Variants in KCNIP4 observed in about 807,000 individuals in gnomAD.
KCNIP4 encodes the protein Kv channel-interacting protein 4.
KCNIP4 carries 12 observed loss-of-function variants against 34.0 expected under a neutral mutation model. The observed-to-expected ratio is 0.35, with a 90% CI of 0.23 to 0.57. KCNIP4 has a LOEUF of 0.57. KCNIP4 is among the 20% of genes least tolerant of loss of function. The pLI is 0.83. For synonymous variants in KCNIP4, 124 were observed against 102.2 expected (o/e 1.21, Z -1.29); for missense variants, 238 against 311.7 (o/e 0.76, Z 1.78).
intron 1 of KCNIP4, among the ~76,000 whole-genome samples, chr4:21,612,685 T>C (rs553690152): frequency 7.2e-5 from 11 of 152,306 alleles, no homozygotes; most frequent in African/African-American, 2.4e-4. Context: ...ATTAAATAGA[T>C]GGGGCAGAAA....
chr4:21,087,271 A>G (rs1746554916), intron 1 of KCNIP4, among the ~76,000 whole-genome samples: 2 of 150,638 alleles, frequency 1.3e-5, no homozygotes, highest in African/African-American at 4.9e-5. Flanking sequence ...CCACCTCTTC[A>G]GTTCAAGTGA....
chr4:21,251,442 T>A (rs944612240), intron 1 of KCNIP4, among the ~76,000 whole-genome samples: 3 of 152,198 alleles, frequency 2.0e-5, no homozygotes, highest in African/African-American at 7.2e-5. Context: ...GTGGCCCTCA[T>A]ATCATGTTAA....
chr4:20,909,296 G>A (rs1178717374), intron 1 of KCNIP4, among the ~76,000 whole-genome samples: 1 of 152,054 alleles, frequency 6.6e-6, no homozygotes, highest in Non-Finnish European at 1.5e-5. Context: ...ATTTCATAGA[G>A]CATATTAGAG....
At position 21,704,678 on chromosome 4, in the gene KCNIP4, A is replaced by G. The variant is rs190477912; in HGVS notation, c.61+243893T>C. On this transcript the variant is annotated intron_variant, in intron 1 of 8. Transcript: ENST00000382152. ...AATGAGTTATTACTACACATCTATT[A>G]GAATGGCTAACATAAAATCAAAAAT... is the stretch of plus-strand genomic sequence containing the variant. 1.6e-4 allele frequency among the ~76,000 whole-genome samples: 25 copies of G among 152,312 alleles called. No individual in the cohort carries two copies. In the East Asian group the frequency reaches 4.6e-3, roughly 28 times the overall value.
chr4:21,498,938 G>A (rs535717996), intron 1 of KCNIP4, among the ~76,000 whole-genome samples: 35 of 152,130 alleles, frequency 2.3e-4, no homozygotes, highest in Non-Finnish European at 4.6e-4. Context: ...TACTACAATT[G>A]TGCTGGCAAA....
At chr4:21,201,567 C>T (rs964861152) in intron 1 of KCNIP4, among the ~76,000 whole-genome samples, 8 of 152,142 alleles carry the variant, frequency 5.3e-5, no homozygotes, top group South Asian at 4.1e-4. Context: ...GGCATGATCT[C>T]GGCTCACTGC....
intron 1 of KCNIP4, among the ~76,000 whole-genome samples, chr4:20,997,774 G>A (rs74768709): frequency 0.026 from 3,898 of 152,212 alleles, 154 homozygotes; most frequent in African/African-American, 0.084. Flanking sequence ...GTTATTGTCT[G>A]GATCAATCTA....
intron 1 of KCNIP4, among the ~76,000 whole-genome samples, chr4:21,820,680 A>G (rs145144001): frequency 1.3e-4 from 20 of 152,182 alleles, no homozygotes; most frequent in Admixed American, 1.3e-3. Flanking sequence ...TGATTTGTTT[A>G]TTTTGCTCTG....
intron 1 of KCNIP4, among the ~76,000 whole-genome samples, chr4:21,533,942 A>G (rs1307669293): frequency 6.6e-6 from 1 of 152,190 alleles, no homozygotes; most frequent in Non-Finnish European, 1.5e-5. Flanking sequence ...ACAGAAACTG[A>G]AAAAGCCTAA....
At chr4:21,721,523 T>A (rs371739060) in intron 1 of KCNIP4, among the ~76,000 whole-genome samples, 1 of 152,196 alleles carries the variant, frequency 6.6e-6, no homozygotes, top group East Asian at 1.9e-4. Flanking sequence ...TCAACATAGT[T>A]TCTAATTTTA....
intron 1 of KCNIP4, among the ~76,000 whole-genome samples, chr4:21,523,428 G>A (rs1176387265): frequency 6.6e-6 from 1 of 152,052 alleles, no homozygotes; most frequent in Non-Finnish European, 1.5e-5. Context: ...ATTCCCTGGA[G>A]CCAGGTTAAA....
chr4:21,069,896 A>G (rs1182972192), intron 1 of KCNIP4, among the ~76,000 whole-genome samples: 3 of 152,112 alleles, frequency 2.0e-5, no homozygotes, highest in African/African-American at 4.8e-5. Context: ...ATATTAGCAA[A>G]TGTGTAGATT....
chr4:21,528,190 C>T (rs1404839969), intron 1 of KCNIP4, among the ~76,000 whole-genome samples: 2 of 152,142 alleles, frequency 1.3e-5, no homozygotes, highest in African/African-American at 4.8e-5. Context: ...AAACACTCAG[C>T]TTTGCAGTAC....
rs1302866991 is a variant in KCNIP4, at chr4:21,908,385, A to G, written c.61+40186T>C. ...GGCTCAAGTGTCACCTGTTTAAGGA[A>G]TCCTTCCCCAAGCTCCCCGTCAAGA... On this transcript the variant is annotated intron_variant, in intron 1 of 8. Coordinates refer to ENST00000382152, the MANE Select transcript of KCNIP4 (RefSeq NM_025221.6). 2.0e-5 allele frequency among the ~76,000 whole-genome samples: 3 copies of G among 152,208 alleles called. No homozygotes were observed. The South Asian group carries it at 6.2e-4, about 32-fold the overall frequency.
chr4:21,505,611 T>C (rs1312418928), intron 1 of KCNIP4, among the ~76,000 whole-genome samples: 1 of 152,182 alleles, frequency 6.6e-6, no homozygotes, highest in Non-Finnish European at 1.5e-5. Flanking sequence ...AACTTTCTTC[T>C]CTGTTCTCCA....
intron 1 of KCNIP4, among the ~76,000 whole-genome samples, chr4:21,377,884 T>C (rs996869599): frequency 6.6e-6 from 1 of 152,196 alleles, no homozygotes; most frequent in South Asian, 2.1e-4. Context: ...GACATTCGCT[T>C]TGGTTGCTGA....
At chr4:20,909,963 A>C (rs1444938558) in intron 1 of KCNIP4, among the ~76,000 whole-genome samples, 1 of 152,190 alleles carries the variant, frequency 6.6e-6, no homozygotes, top group East Asian at 1.9e-4. Flanking sequence ...AATGTGAACA[A>C]AAACTTCTTA....
At chr4:20,844,114 G>A (rs1338425342) in intron 3 of KCNIP4, among the ~76,000 whole-genome samples, 1 of 152,158 alleles carries the variant, frequency 6.6e-6, no homozygotes, top group Non-Finnish European at 1.5e-5. Flanking sequence ...TTAAAGGATA[G>A]TTTCATGTCC....
intron 1 of KCNIP4, among the ~76,000 whole-genome samples, chr4:21,558,849 A>G (rs1739288298): frequency 6.6e-6 from 1 of 152,218 alleles, no homozygotes; most frequent in South Asian, 2.1e-4. Context: ...AGAGGCAAGT[A>G]GCTTTTGAAC....
Sources: gnomAD v4.1 joint callset for allele counts (sites outside exome capture counted in the v4.1 genomes callset) on GRCh38, gnomAD v4.1.1 for gene constraint, MANE v1.5 for transcripts, NCBI Gene and HGNC (gene_info 2026-07-23, HGNC 2026-07-21) for gene names.